Variants in MLF2 observed in about 807,000 individuals in gnomAD.
The protein encoded by MLF2 is myelodysplasia-myeloid leukemia factor 2.
MLF2 carries 12 observed loss-of-function variants against 31.4 expected under a neutral mutation model. The observed-to-expected ratio is 0.38, with a 90% CI of 0.24 to 0.62. The LOEUF is 0.62. Among genes scored for constraint, MLF2 ranks in the 20% least tolerant of loss-of-function variants. The pLI is 0.58. For missense variants in MLF2, 272 were observed against 359.7 expected (o/e 0.76, Z 1.97); for synonymous variants, 109 against 118.8 (o/e 0.92, Z 0.54).
At position 6,750,310 on chromosome 12, in the gene MLF2, G is replaced by C; in HGVS notation, c.271-5C>G. On this transcript the variant is annotated splice_region_variant and splice_polypyrimidine_tract_variant and intron_variant, in intron 5 of 8. Transcript: ENST00000203630. The surrounding 1 kb of genome is among the most constrained non-coding windows in gnomAD (Gnocchi z 5.3). The stretch of plus-strand genomic sequence containing the variant: ...GCCTCCAGCTGTCATGTGTTCCTGA[G>C]GACAGGGTAGGTAGGGGAGGGCTGA... 6.2e-7 allele frequency: 1 copy of C among 1,613,772 alleles called. No homozygotes were observed. Among genetic ancestry groups the C allele is most frequent in the South Asian group, 1.1e-5 (1 of 91,034 alleles).
Position 6,752,104 on chromosome 12 carries a change from C to T in MLF2, c.51-50G>A. 1 of 1,609,340 alleles carries T rather than the reference C, an allele frequency of 6.2e-7. No homozygotes were observed. Among genetic ancestry groups the T allele is most frequent in the Non-Finnish European group, 8.5e-7 (1 of 1,176,468 alleles). On this transcript the variant is annotated intron_variant, in intron 2 of 8. Coordinates refer to ENST00000203630, the MANE Select transcript of MLF2 (RefSeq NM_001382226.1). The surrounding 1 kb of genome is among the most constrained non-coding windows in gnomAD (Gnocchi z 4.6). ...ATGGCAGAAGCGCCAAACTGTCAAT[C>T]CCTCCACCACCCTGCAAAAAAATAC... is the stretch of plus-strand genomic sequence containing the variant.
rs766776064 is a variant in MLF2 at position 6,752,377 on chromosome 12, A to G, written c.-28-15T>C. On this transcript the variant is annotated splice_polypyrimidine_tract_variant and intron_variant, in intron 1 of 8. Transcript: ENST00000203630. This position sits in a 1 kb window ranked among gnomAD's most constrained non-coding sequence, Gnocchi z 4.6. Reference sequence around the variant, plus strand: ...GGGGCTCCACACTGGAAAGATATGGAAGCTCAGATACTTGGAGGTGGCCAG... The same window carrying G: ...GGGGCTCCACACTGGAAAGATATGGGAGCTCAGATACTTGGAGGTGGCCAG... 1 of 1,549,198 alleles carries G rather than the reference A, an allele frequency of 6.5e-7. No individual in the cohort carries two copies.
rs1941557309 is a variant in MLF2, at chr12:6,748,379, G to A, written c.*194C>T. On this transcript the variant is annotated 3_prime_UTR_variant, in exon 9 of 9. Coordinates refer to ENST00000203630, the MANE Select transcript of MLF2 (RefSeq NM_001382226.1). This position sits in a 1 kb window ranked among gnomAD's most constrained non-coding sequence, Gnocchi z 4.6. ...AGGCGAAGTCATCAATGGTAAACCA[G>A]GAGATTAAAGAAGGAAAAGGTAGGG... 1 of 162,140 alleles carries A rather than the reference G, an allele frequency of 6.2e-6. No homozygotes were observed. Among genetic ancestry groups the A allele is most frequent in the East Asian group, 1.8e-4 (1 of 5,586 alleles). The allele number at this position is 162,140 out of a possible 1,614,324, so 10.0% of individuals were successfully genotyped here.
chr12:6,749,062 C>T lies in MLF2; in HGVS notation c.560-80G>A, dbSNP rs1410190362. The T allele has an allele frequency of 3.4e-5, 48 of 1,404,736 alleles. No homozygotes were observed. Among genetic ancestry groups the T allele is most frequent in the Middle Eastern group, 4.8e-4 (2 of 4,128 alleles). The allele number at this position is 1,404,736 out of a possible 1,614,324, so 87.0% of individuals were successfully genotyped here. On this transcript the variant is annotated intron_variant, in intron 7 of 8. Transcript: ENST00000203630. This position sits in a 1 kb window ranked among gnomAD's most constrained non-coding sequence, Gnocchi z 5.3. ...GATGTGCGAGCGAGCCACAGCTTTTCGGGCCAAAGCGGCGAAGGCTGAGTG... is the reference window on the plus strand; with the variant it reads ...GATGTGCGAGCGAGCCACAGCTTTTTGGGCCAAAGCGGCGAAGGCTGAGTG...
In MLF2 at chr12:6,750,552, C is replaced by T; in HGVS notation, c.270+161G>A. 1 of 947,760 alleles carries T rather than the reference C, an allele frequency of 1.1e-6. No homozygotes were observed. The highest frequency in any genetic ancestry group is 1.6e-5 in the South Asian group (1 of 61,494). The allele number at this position is 947,760 out of a possible 1,614,324, so 58.7% of individuals were successfully genotyped here. ...GCTGCTGCCGGCTGCTTCAGGCAGGCATGACAGCAGGTACAGGGTCCCAAG... is the reference window on the plus strand; with the variant it reads ...GCTGCTGCCGGCTGCTTCAGGCAGGTATGACAGCAGGTACAGGGTCCCAAG... On this transcript the variant is annotated intron_variant, in intron 5 of 8. Coordinates refer to ENST00000203630, the MANE Select transcript of MLF2 (RefSeq NM_001382226.1). The surrounding 1 kb of genome is among the most constrained non-coding windows in gnomAD (Gnocchi z 5.3).
At chr12:6,751,355 G>C (rs553504953) in intron 4 of MLF2, among the ~76,000 whole-genome samples, 2 of 151,902 alleles carry the variant, frequency 1.3e-5, no homozygotes, top group South Asian at 4.2e-4. Context: ...CACCATGCCT[G>C]GCTTTTTTGG....
intron 3 of MLF2, 114 bp downstream of exon 3, chr12:6,751,811 C>T: frequency 6.4e-7 from 1 of 1,572,294 alleles, no homozygotes; most frequent in Non-Finnish European, 8.7e-7. Flanking sequence ...GACCCTTTCC[C>T]CAACTCCTAG....
In MLF2 at chr12:6,752,113, A is replaced by G. The variant is rs1941625071; in HGVS notation, c.51-59T>C. On this transcript the variant is annotated intron_variant, in intron 2 of 8. Coordinates refer to ENST00000203630, the MANE Select transcript of MLF2 (RefSeq NM_001382226.1). This position sits in a 1 kb window ranked among gnomAD's most constrained non-coding sequence, Gnocchi z 4.6. ...GCGCCAAACTGTCAATCCCTCCACC[A>G]CCCTGCAAAAAAATACGCACAGAGC... The G allele has an allele frequency of 6.2e-7, 1 of 1,608,834 alleles. No individual in the cohort carries two copies. Among genetic ancestry groups the G allele is most frequent in the African/African-American group, 1.3e-5 (1 of 74,806 alleles).
chr12:6,751,594 TAG>T, intron 4 of MLF2, 45 bp downstream of exon 4: 1 of 1,585,158 alleles, frequency 6.3e-7, no homozygotes, highest in Non-Finnish European at 8.7e-7. Flanking sequence ...TATCTAAGGG[TAG>T]AGAGTGTGTC....
In MLF2 at chr12:6,751,660, G is replaced by C. The variant is rs371743916; in HGVS notation, c.197C>G (p.Pro66Arg). 89 of 1,613,968 alleles carry C rather than the reference G, an allele frequency of 5.5e-5. No individual in the cohort carries two copies. Among genetic ancestry groups the C allele is most frequent in the African/African-American group, 5.3e-4 (40 of 74,918 alleles). The change falls in exon 4 of 9, where the codon CCC becomes CGC. Residue 66 changes from proline to arginine, a missense_variant. Coordinates refer to ENST00000203630, the MANE Select transcript of MLF2 (RefSeq NM_001382226.1). ...ACTCACCATTCCCAGCATCCCAAAG[G>C]GGGAGACAGCTCCAGCCTACAGGAA... The part of the protein sequence containing the change: ...RRMQQAGAVS[P>R]FGMLGMSGGF...
At position 6,750,027 on chromosome 12, in the gene MLF2, G is replaced by A. The variant is rs373484484; in HGVS notation, c.400-20C>T. 108 of 1,613,672 alleles carry A rather than the reference G, an allele frequency of 6.7e-5. No homozygotes were observed. Among genetic ancestry groups the A allele is most frequent in the Non-Finnish European group, 8.9e-5 (105 of 1,179,800 alleles). On this transcript the variant is annotated intron_variant, in intron 6 of 8. Transcript: ENST00000203630. This position sits in a 1 kb window ranked among gnomAD's most constrained non-coding sequence, Gnocchi z 5.3. ...CCGGATCTGGGATGAGGCAGAACGT[G>A]GCACACTCAGCCGCCCCTTCCAAAG... is the stretch of plus-strand genomic sequence containing the variant.
In MLF2 at chr12:6,749,344, AAGT is replaced by A. The variant is rs988898285; in HGVS notation, c.560-365_560-363del. 4.6e-5 allele frequency among the ~76,000 whole-genome samples: 7 copies of A among 152,274 alleles called. No individual in the cohort carries two copies. The highest frequency in any genetic ancestry group is 1.0e-4 in the Non-Finnish European group (7 of 68,052). Reference sequence around the variant, plus strand: ...CTATCAATACGGAACTTCAGGGACAAAGTAGGCCCCTCACAAAGACACCGCCAG... The same window carrying A: ...CTATCAATACGGAACTTCAGGGACAAAGGCCCCTCACAAAGACACCGCCAG... On this transcript the variant is annotated intron_variant, in intron 7 of 8. Transcript: ENST00000203630. The surrounding 1 kb of genome is among the most constrained non-coding windows in gnomAD (Gnocchi z 5.3).
Position 6,752,083 on chromosome 12 carries a change from C to A in MLF2, c.51-29G>T. ...TGGAGTGAGCACATAGTATGGATGG[C>A]AGAAGCGCCAAACTGTCAATCCCTC... is the stretch of plus-strand genomic sequence containing the variant. On this transcript the variant is annotated intron_variant, in intron 2 of 8. Coordinates refer to ENST00000203630, the MANE Select transcript of MLF2 (RefSeq NM_001382226.1). The surrounding 1 kb of genome is among the most constrained non-coding windows in gnomAD (Gnocchi z 4.6). 6.2e-7 allele frequency: 1 copy of A among 1,613,428 alleles called. No homozygotes were observed. Among genetic ancestry groups the A allele is most frequent in the Non-Finnish European group, 8.5e-7 (1 of 1,179,520 alleles).
chr12:6,749,701 C>T lies in MLF2; in HGVS notation c.559+147G>A. On this transcript the variant is annotated intron_variant, in intron 7 of 8. Coordinates refer to ENST00000203630, the MANE Select transcript of MLF2 (RefSeq NM_001382226.1). This position sits in a 1 kb window ranked among gnomAD's most constrained non-coding sequence, Gnocchi z 5.3. ...CTGCACTCCAGCCTGGGCACCTGGG[C>T]AACAAGAGCGAGACTCCATCTCAAA... The T allele has an allele frequency of 8.8e-7, 1 of 1,131,916 alleles. No homozygotes were observed. Among genetic ancestry groups the T allele is most frequent in the Non-Finnish European group, 1.2e-6 (1 of 802,656 alleles). 70.1% of individuals were successfully genotyped at this position (1,131,916 alleles called of 1,614,324 possible). A position where few individuals can be genotyped will look rare whatever the true frequency, so the allele number is the denominator to read the frequency against.
In MLF2 at chr12:6,750,141, C is replaced by T; in HGVS notation, c.399+36G>A. On this transcript the variant is annotated intron_variant, in intron 6 of 8. Coordinates refer to ENST00000203630, the MANE Select transcript of MLF2 (RefSeq NM_001382226.1). The surrounding 1 kb of genome is among the most constrained non-coding windows in gnomAD (Gnocchi z 5.3). ...GGGTTTCTGGCGGTGCCGCTCAATC[C>T]TACCTTCTCTGGGACAGGAGGGCTC... The T allele has an allele frequency of 6.2e-7, 1 of 1,614,070 alleles. No individual in the cohort carries two copies. The highest frequency in any genetic ancestry group is 8.5e-7 in the Non-Finnish European group (1 of 1,179,964).
rs181629046 is a variant in MLF2 at position 6,750,406 on chromosome 12, C to T, written c.271-101G>A. On this transcript the variant is annotated intron_variant, in intron 5 of 8. Transcript: ENST00000203630. This position sits in a 1 kb window ranked among gnomAD's most constrained non-coding sequence, Gnocchi z 5.3. ...CCTGTTCTAGCCTGTATCTTTCTCA[C>T]AAAATGCAAGAACTGAAAAAACATC... The T allele has an allele frequency of 1.2e-4, 166 of 1,440,918 alleles. No homozygotes were observed. Among genetic ancestry groups the T allele is most frequent in the Admixed American group, 4.8e-4 (22 of 45,804 alleles). 89.3% of individuals were successfully genotyped at this position (1,440,918 alleles called of 1,614,324 possible).
intron 4 of MLF2, 107 bp downstream of exon 4, chr12:6,751,534 A>G: frequency 7.8e-7 from 1 of 1,282,600 alleles, no homozygotes; most frequent in Non-Finnish European, 1.1e-6. Context: ...AAAAGAGAAG[A>G]TTCTGGGGTT....
rs1309207710 is a variant in MLF2 at position 6,752,150 on chromosome 12, C to T, written c.51-96G>A. The T allele has an allele frequency of 3.8e-5, 60 of 1,578,728 alleles. 1 individual carries two copies. In the South Asian group the frequency reaches 6.0e-4, roughly 16 times the overall value. On this transcript the variant is annotated intron_variant, in intron 2 of 8. Coordinates refer to ENST00000203630, the MANE Select transcript of MLF2 (RefSeq NM_001382226.1). The surrounding 1 kb of genome is among the most constrained non-coding windows in gnomAD (Gnocchi z 4.6). ...AATACGCACAGAGCAACAGTGGCAC[C>T]GATGCCTACTTCCTGCTAGGTAGGA...
At position 6,751,932 on chromosome 12, in the gene MLF2, A is replaced by G; in HGVS notation, c.173T>C (p.Met58Thr). 1 of 1,614,166 alleles carries G rather than the reference A, an allele frequency of 6.2e-7. No individual in the cohort carries two copies. Among genetic ancestry groups the G allele is most frequent in the Non-Finnish European group, 8.5e-7 (1 of 1,180,034 alleles). Residue 58 changes from methionine to threonine, a missense_variant, in exon 3 of 9, where the codon ATG (methionine) becomes ACG (threonine). Transcript: ENST00000203630. ...GTGTCTCAGCATCATTACCTGCTGC[A>G]TCCGGCGGCTGGCAGGCCTGGTCCC... ...MPGTRPASRR[M>T]QQAGAVSPFG...
Sources: gnomAD v4.1 joint callset for allele counts (sites outside exome capture counted in the v4.1 genomes callset) on GRCh38, gnomAD v4.1.1 for gene constraint, Gnocchi (gnomAD v3.1) non-coding constraint, MANE v1.5 for transcripts, NCBI Gene and HGNC (gene_info 2026-07-23, HGNC 2026-07-21) for gene names.